Variants in DACH2 observed in about 807,000 individuals in gnomAD.
DACH2 encodes the protein dachshund homolog 2.
DACH2 carries 17 observed loss-of-function variants against 35.8 expected under a neutral mutation model. That is an observed-to-expected ratio of 0.48 (90% CI 0.33 to 0.71). The LOEUF (loss-of-function observed/expected upper bound fraction) is 0.71. Among genes scored for constraint, DACH2 ranks in the 30% least tolerant of loss-of-function variants. DACH2 has a pLI of 0.02. For missense variants in DACH2, 469 were observed against 472.7 expected (o/e 0.99, Z 0.07); for synonymous variants, 195 against 177.3 (o/e 1.10, Z -0.79).
At chrX:86,182,482 G>A (rs941382673) in intron 1 of DACH2, among the ~76,000 whole-genome samples, 2 of 111,823 alleles carry the variant, frequency 1.8e-5, no homozygotes, top group Non-Finnish European at 1.9e-5. Flanking sequence ...GTTTGTCAAA[G>A]ATCAGATGGC....
intron 3 of DACH2, among the ~76,000 whole-genome samples, chrX:86,530,190 A>G (rs1462355503): frequency 8.9e-6 from 1 of 112,175 alleles, no homozygotes; most frequent in East Asian, 2.8e-4. Flanking sequence ...AATTTAAAAA[A>G]ACATGAAATA....
chrX:86,761,994 G>A (rs1005111325), intron 7 of DACH2, among the ~76,000 whole-genome samples: 2 of 110,643 alleles, frequency 1.8e-5, no homozygotes, highest in Non-Finnish European at 3.8e-5. Context: ...GCACGGTCTG[G>A]TCTATTCGAG....
intron 7 of DACH2, among the ~76,000 whole-genome samples, chrX:86,765,697 G>GTTTTTTTTTTTTTTTTTTTTTTTT (rs2041925172): frequency 2.8e-5 from 1 of 35,230 alleles, no homozygotes; most frequent in Non-Finnish European, 5.2e-5. Flanking sequence ...GTTGTTTTTT[G>GTTTTTTTTTTTTTTTTTTTTTTTT]GTTTTTTTTT....
intron 2 of DACH2, among the ~76,000 whole-genome samples, chrX:86,483,422 A>G (rs1008621497): frequency 9.0e-6 from 1 of 111,523 alleles, no homozygotes. Context: ...CTTTGGGACT[A>G]CTGGAATGGC....
At chrX:86,682,616 T>C (rs530668255) in intron 4 of DACH2, among the ~76,000 whole-genome samples, 52 of 111,747 alleles carry the variant, frequency 4.7e-4, no homozygotes, top group Middle Eastern at 4.6e-3. Context: ...ATTATAGTTT[T>C]AATTACTCAG....
chrX:86,520,694 G>GT (rs1282736882), intron 3 of DACH2, among the ~76,000 whole-genome samples: 5 of 111,242 alleles, frequency 4.5e-5, no homozygotes, highest in Admixed American at 9.6e-5. Context: ...TTGGAAATCT[G>GT]TTTTTTCTGA....
chrX:86,208,379 G>T (rs1311705055), intron 1 of DACH2, among the ~76,000 whole-genome samples: 2 of 111,096 alleles, frequency 1.8e-5, no homozygotes, highest in African/African-American at 6.5e-5. Context: ...TGACAATTTT[G>T]TCATAAACTT....
chrX:86,348,622 A>G (rs1331069230), intron 1 of DACH2, among the ~76,000 whole-genome samples: 1 of 111,486 alleles, frequency 9.0e-6, no homozygotes, highest in Non-Finnish European at 1.9e-5. Flanking sequence ...TAAAGTTAAT[A>G]TTTTCTTTTT....
intron 2 of DACH2, among the ~76,000 whole-genome samples, chrX:86,497,190 T>C (rs947113464): frequency 9.9e-5 from 11 of 111,635 alleles, no homozygotes; most frequent in Non-Finnish European, 3.8e-5. Flanking sequence ...TAAATGACCT[T>C]TCATATGCAG....
At chrX:86,617,274 C>T (rs184656919) in intron 3 of DACH2, among the ~76,000 whole-genome samples, 47 of 110,179 alleles carry the variant, frequency 4.3e-4, no homozygotes, top group Non-Finnish European at 5.9e-4. Flanking sequence ...TTGTTCCATA[C>T]GAATTCTAAA....
At chrX:86,805,574 A>G (rs961507343) in intron 7 of DACH2, among the ~76,000 whole-genome samples, 1 of 109,341 alleles carries the variant, frequency 9.1e-6, no homozygotes, top group African/African-American at 3.3e-5. Flanking sequence ...TTTTTTTCCT[A>G]CACATGACCA....
At chrX:86,399,774 T>C (rs2036384611) in intron 2 of DACH2, among the ~76,000 whole-genome samples, 1 of 111,999 alleles carries the variant, frequency 8.9e-6, no homozygotes, top group Non-Finnish European at 1.9e-5. Flanking sequence ...GGGCTTTCCT[T>C]TGTGGGTAAC....
chrX:86,678,006 G>T (rs2040840684), intron 4 of DACH2, among the ~76,000 whole-genome samples: 1 of 112,216 alleles, frequency 8.9e-6, no homozygotes, highest in Admixed American at 9.5e-5. Context: ...AGATGGCATT[G>T]CTCAGAAGAA....
chrX:86,438,352 G>A (rs1011166230), intron 2 of DACH2, among the ~76,000 whole-genome samples: 1 of 108,375 alleles, frequency 9.2e-6, no homozygotes, highest in Non-Finnish European at 1.9e-5. Context: ...GCCTCCCAAG[G>A]AGCTGGGATT....
At chrX:86,724,881 T>C (rs1336463614) in intron 6 of DACH2, among the ~76,000 whole-genome samples, 1 of 111,021 alleles carries the variant, frequency 9.0e-6, no homozygotes, top group Non-Finnish European at 1.9e-5. Flanking sequence ...ATTCATTCTT[T>C]TAATTATTTT....
At position 86,148,981 on chromosome X, in the gene DACH2, G is replaced by T. The variant is rs1184913396; in HGVS notation, c.361G>T (p.Val121Leu). The change falls in exon 1 of 12, where the codon GTG becomes TTG. Residue 121 changes from valine (V) to leucine (L), a missense_variant. Transcript: ENST00000373125. ...TKLKRLDISP[V>L]VCTVEQVRIL... is the part of the protein sequence containing the mutation. ...GCTGAAGAGACTGGATATATCCCCC[G>T]TGGTGTGTACTGTTGAGCAGGTCCG... The T allele has an allele frequency of 8.3e-7, 1 of 1,209,084 alleles. No homozygotes were observed. The highest frequency in any genetic ancestry group is 1.8e-5 in the African/African-American group (1 of 56,858).
chrX:86,745,627 G>A (rs770674263), intron 7 of DACH2, among the ~76,000 whole-genome samples: 11 of 111,312 alleles, frequency 9.9e-5, no homozygotes, highest in Non-Finnish European at 2.1e-4. Flanking sequence ...ATTCCATGGT[G>A]TATATGTACC....
At chrX:86,800,026 T>C (rs917664700) in intron 7 of DACH2, among the ~76,000 whole-genome samples, 38 of 112,231 alleles carry the variant, frequency 3.4e-4, no homozygotes, top group African/African-American at 1.1e-3. Flanking sequence ...TAATGTTTAT[T>C]GTGCTATAAG....
At chrX:86,475,575 A>G (rs1208886910) in intron 2 of DACH2, among the ~76,000 whole-genome samples, 2 of 112,068 alleles carry the variant, frequency 1.8e-5, no homozygotes, top group Non-Finnish European at 3.8e-5. Flanking sequence ...AGTTCTAACA[A>G]TTTTTTGGTG....
Sources: allele counts gnomAD v4.1 joint callset (sites outside exome capture counted in the v4.1 genomes callset), GRCh38; gene constraint gnomAD v4.1.1; transcripts MANE v1.5; gene names NCBI Gene and HGNC (gene_info 2026-07-23, HGNC 2026-07-21).